The following ZFHX3 variants were observed in gnomAD, a reference collection of about 807,000 sequenced individuals.
The protein encoded by ZFHX3 is zinc finger homeobox 3.
A neutral mutation model predicts 279.1 loss-of-function variants in ZFHX3; 42 were observed. The ratio of observed to expected loss-of-function variants is 0.15; its 90% CI spans 0.12 to 0.19. The LOEUF is 0.19. ZFHX3 is among the 10% of genes least tolerant of loss of function. The pLI, the probability that ZFHX3 is intolerant of heterozygous loss-of-function variation, is 1.00. For missense variants in ZFHX3, 4,981 were observed against 4,754.0 expected, an observed-to-expected ratio of 1.05 and a Z score of -1.40; for synonymous variants, 2,293 against 1,957.8, an observed-to-expected ratio of 1.17 and a Z score of -4.52.
intron 3 of ZFHX3, among the ~76,000 whole-genome samples, chr16:73,340,572 C>T (rs892110429): frequency 1.3e-5 from 2 of 152,164 alleles, no homozygotes; most frequent in African/African-American, 2.4e-5. Flanking sequence ...GACGAAGTCT[C>T]ACCATGTTGC....
intron 1 of ZFHX3, among the ~76,000 whole-genome samples, chr16:72,961,968 C>T (rs35685904): frequency 0.11 from 17,244 of 152,136 alleles, 1,369 homozygotes; most frequent in Non-Finnish European, 0.17. Flanking sequence ...CAAGGCTGAG[C>T]CGGGATACAG....
chr16:73,266,471 G>C (rs998010878), intron 4 of ZFHX3, among the ~76,000 whole-genome samples: 1 of 152,116 alleles, frequency 6.6e-6, no homozygotes, highest in Non-Finnish European at 1.5e-5. Flanking sequence ...CAGGCATGAC[G>C]AGAGGTGTTA....
chr16:72,921,903 G>A (rs1488294355), intron 3 of ZFHX3, among the ~76,000 whole-genome samples: 1 of 152,178 alleles, frequency 6.6e-6, no homozygotes, highest in Non-Finnish European at 1.5e-5. Context: ...ATGGCCACAC[G>A]CACAGATGCA....
rs1289029153 is a variant in ZFHX3, at chr16:72,785,869, A to G, written c.*1295T>C. The G allele has an allele frequency of 1.3e-5, 2 of 152,232 alleles. No homozygotes were observed. Among genetic ancestry groups the G allele is most frequent in the Non-Finnish European group, 2.9e-5 (2 of 68,042 alleles). The allele number at this position is 152,232 out of a possible 1,614,324, so 9.4% of individuals were successfully genotyped here. A position where few individuals can be genotyped will look rare whatever the true frequency, so the allele number is the denominator to read the frequency against. ...AAATAAAAAATAAATGCACAAAGCT[A>G]ACAGACACAGGTAACTAGAATTATA... On this transcript the variant is annotated 3_prime_UTR_variant, in exon 10 of 10. Coordinates refer to ENST00000268489, the MANE Select transcript of ZFHX3 (RefSeq NM_006885.4).
At chr16:73,624,662 A>G (rs1450825011) in intron 2 of ZFHX3, among the ~76,000 whole-genome samples, 1 of 152,196 alleles carries the variant, frequency 6.6e-6, no homozygotes, top group Admixed American at 6.5e-5. Context: ...AAGGAAAGAA[A>G]GAAAGCAGCG....
At chr16:72,960,450 G>C (rs1402597246) in intron 1 of ZFHX3, among the ~76,000 whole-genome samples, 1 of 152,178 alleles carries the variant, frequency 6.6e-6, no homozygotes, top group East Asian at 1.9e-4. Context: ...GCCCTCTTCG[G>C]CTTCGAATTG....
intron 2 of ZFHX3, among the ~76,000 whole-genome samples, chr16:73,538,303 GA>G (rs1377215226): frequency 6.6e-6 from 1 of 151,836 alleles, no homozygotes; most frequent in African/African-American, 2.4e-5. Context: ...ACAGAGTTTG[GA>G]AAAAAATTTC....
intron 2 of ZFHX3, among the ~76,000 whole-genome samples, chr16:73,596,783 G>A (rs1338122074): frequency 1.3e-4 from 20 of 152,212 alleles, no homozygotes; most frequent in East Asian, 3.9e-4. Context: ...GGTAAGGAAC[G>A]TCACTATAAC....
At position 72,798,690 on chromosome 16, in the gene ZFHX3, T is replaced by G. The variant is rs539931585; in HGVS notation, c.3992A>C (p.Asn1331Thr). The G allele has an allele frequency of 1.9e-6, 3 of 1,566,390 alleles. No homozygotes were observed. The highest frequency in any genetic ancestry group is 4.0e-5 in the Admixed American group (2 of 50,036). ...QPETSEDLGK[N>T]ILPSASTEQS... is the part of the protein sequence containing the mutation. Reference sequence around the variant, plus strand: ...CTCTGTGCTTGCGGATGGCAAGATGTTCTTTCCCAGATCCTCTGAGGTTTC... The same window carrying G: ...CTCTGTGCTTGCGGATGGCAAGATGGTCTTTCCCAGATCCTCTGAGGTTTC... The change falls in exon 9 of 10, where the codon AAC becomes ACC. Residue 1331 changes from asparagine (N) to threonine (T), a missense_variant. Asn to Thr is a moderately conservative substitution (Grantham distance 65). This residue lies in a region of ZFHX3 where 1,751 missense variants were observed against 1,770.0 expected (regional missense o/e 0.99). Transcript: ENST00000268489.
At chr16:73,280,739 T>C (rs1233960330) in intron 4 of ZFHX3, among the ~76,000 whole-genome samples, 2 of 151,972 alleles carry the variant, frequency 1.3e-5, no homozygotes, top group Admixed American at 6.6e-5. Context: ...CCCAGAACTT[T>C]GGGAGGCCGA....
chr16:73,313,263 CTA>C (rs1336003323), intron 4 of ZFHX3, among the ~76,000 whole-genome samples: 1 of 152,206 alleles, frequency 6.6e-6, no homozygotes, highest in East Asian at 1.9e-4. Context: ...GCCTGTGGAA[CTA>C]TGAGTCAATT....
chr16:72,963,896 G>C (rs1432001150), intron 1 of ZFHX3, among the ~76,000 whole-genome samples: 6 of 152,186 alleles, frequency 3.9e-5, no homozygotes, highest in Non-Finnish European at 7.3e-5. Flanking sequence ...AATTAGCACA[G>C]GGTTAATTAG....
chr16:72,914,056 G>A (rs2039383019), intron 3 of ZFHX3, among the ~76,000 whole-genome samples: 1 of 152,200 alleles, frequency 6.6e-6, no homozygotes. Context: ...GCTATGAAGG[G>A]ACAGAGGCGG....
intron 9 of ZFHX3, among the ~76,000 whole-genome samples, chr16:72,792,577 G>T (rs1037408298): frequency 6.6e-6 from 1 of 151,926 alleles, no homozygotes; most frequent in Non-Finnish European, 1.5e-5. Context: ...TCAGCCTCCC[G>T]AATAGCTGGG....
intron 2 of ZFHX3, among the ~76,000 whole-genome samples, chr16:73,494,885 G>A (rs2019114143): frequency 1.3e-5 from 2 of 152,224 alleles, no homozygotes; most frequent in East Asian, 3.9e-4. Context: ...GTGTTTAAGA[G>A]GGAACCTGGG....
chr16:73,422,879 T>G (rs2017743248), intron 3 of ZFHX3, among the ~76,000 whole-genome samples: 1 of 152,186 alleles, frequency 6.6e-6, no homozygotes, highest in African/African-American at 2.4e-5. Flanking sequence ...CTGTAGAAAT[T>G]CATTTTCTCT....
rs112763443 is a variant in ZFHX3, at chr16:73,661,723, GAAAAAAAAAAAAA to G, written c.-1547+18444_-1547+18456del. Among the ~76,000 whole-genome samples, 131 of 56,834 alleles carry G rather than the reference GAAAAAAAAAAAAA, an allele frequency of 2.3e-3. 2 individuals carry two copies. The highest frequency in any genetic ancestry group is 6.8e-3 in the African/African-American group (118 of 17,476). The allele number at this position is 56,834 out of a possible 152,430, so 37.3% of individuals were successfully genotyped here. On this transcript the variant is annotated intron_variant, in intron 2 of 17. Coordinates refer to the ZFHX3 transcript ENST00000641206. Reference sequence around the variant, plus strand: ...GACAACAAAGCAAGACTCCATCTCAGAAAAAAAAAAAAAAAAAAAAAGGATGTGTGAGGTATTA... The same window carrying G: ...GACAACAAAGCAAGACTCCATCTCAGAAAAAAAAGGATGTGTGAGGTATTA...
chr16:73,503,089 G>C (rs949724162), intron 2 of ZFHX3, among the ~76,000 whole-genome samples: 1 of 152,202 alleles, frequency 6.6e-6, no homozygotes, highest in Admixed American at 6.5e-5. Context: ...GCTCTAATCA[G>C]AGCTAGATGA....
intron 1 of ZFHX3, among the ~76,000 whole-genome samples, chr16:73,786,324 C>T (rs1387748029): frequency 6.6e-6 from 1 of 151,936 alleles, no homozygotes; most frequent in Non-Finnish European, 1.5e-5. Flanking sequence ...CTTTTCTTCC[C>T]CCTGTAATTG....
Sources: allele counts gnomAD v4.1 joint callset (sites outside exome capture counted in the v4.1 genomes callset), GRCh38; gene constraint gnomAD v4.1.1; regional missense constraint gnomAD v4.1.1; transcripts MANE v1.5; gene names NCBI Gene and HGNC (gene_info 2026-07-23, HGNC 2026-07-21).